AGBL3: variants seen among roughly 807,000 people sequenced by gnomAD.
AGBL3 encodes AGBL carboxypeptidase 3, also known as cytosolic carboxypeptidase 3.
A neutral mutation model predicts 94.5 loss-of-function variants in AGBL3; 68 were observed. The observed-to-expected ratio is 0.72, with a 90% CI of 0.59 to 0.88. The LOEUF (loss-of-function observed/expected upper bound fraction) is 0.88. Ranked by LOEUF, AGBL3 falls within the 40% of genes least tolerant of loss-of-function variation. AGBL3 has a pLI of 0.00. For synonymous variants in AGBL3, 354 were observed against 370.7 expected, an observed-to-expected ratio of 0.95 and a Z score of 0.52; for missense variants, 934 against 1,103.8, an observed-to-expected ratio of 0.85 and a Z score of 2.18.
intron 15 of AGBL3, among the ~76,000 whole-genome samples, chr7:135,086,494 A>G (rs187995941): frequency 6.6e-6 from 1 of 152,076 alleles, no homozygotes; most frequent in Non-Finnish European, 1.5e-5. Flanking sequence ...CATTCCTTCC[A>G]TACCTTATTT....
intron 13 of AGBL3, among the ~76,000 whole-genome samples, chr7:135,078,375 T>G (rs542061300): frequency 6.6e-6 from 1 of 152,330 alleles, no homozygotes; most frequent in South Asian, 2.1e-4. Flanking sequence ...TCTTCTAGAA[T>G]TACATTATTT....
chr7:135,121,845 G>A (rs2117248116), intron 16 of AGBL3, among the ~76,000 whole-genome samples: 1 of 152,304 alleles, frequency 6.6e-6, no homozygotes, highest in East Asian at 1.9e-4. Context: ...GGGAGGTGGT[G>A]AGTGAGTGTG....
intron 11 of AGBL3, among the ~76,000 whole-genome samples, chr7:135,049,288 G>A (rs867795476): frequency 9.9e-5 from 15 of 151,802 alleles, no homozygotes; most frequent in South Asian, 2.1e-4. Flanking sequence ...TAGTCATGGT[G>A]GGCAATCCTT....
intron 4 of AGBL3, among the ~76,000 whole-genome samples, chr7:135,001,620 A>G (rs538651278): frequency 6.6e-6 from 1 of 152,286 alleles, no homozygotes; most frequent in East Asian, 1.9e-4. Context: ...TCAGTGTCCA[A>G]CCTGCTGGGA....
chr7:135,100,097 A>G (rs1823583174), intron 15 of AGBL3: 1 of 151,686 alleles, frequency 6.6e-6, no homozygotes, highest in African/African-American at 2.4e-5. Context: ...CGTGTTAACC[A>G]GGATGGTCTC....
chr7:135,061,510 T>G (rs1277346666), intron 12 of AGBL3, among the ~76,000 whole-genome samples: 1 of 152,180 alleles, frequency 6.6e-6, no homozygotes, highest in African/African-American at 2.4e-5. Flanking sequence ...TTCAGTAGTT[T>G]TATAGTTTCA....
intron 5 of AGBL3, among the ~76,000 whole-genome samples, chr7:135,018,079 A>G (rs1057253596): frequency 1.3e-5 from 2 of 152,206 alleles, no homozygotes; most frequent in African/African-American, 4.8e-5. Flanking sequence ...ATTTAATTTA[A>G]TGAATTTTAA....
intron 1 of AGBL3, among the ~76,000 whole-genome samples, chr7:134,987,102 G>C (rs144628677): frequency 6.6e-6 from 1 of 152,242 alleles, no homozygotes; most frequent in African/African-American, 2.4e-5. Flanking sequence ...GACTGAAGGT[G>C]TCATCTATGA....
At chr7:135,041,547 A>G (rs1038842142) in intron 8 of AGBL3, among the ~76,000 whole-genome samples, 9 of 152,292 alleles carry the variant, frequency 5.9e-5, no homozygotes, top group African/African-American at 2.2e-4. Context: ...TTGAACATCC[A>G]TCTAAAAAAC....
chr7:135,087,295 CATTGATCTTTTATA>C (rs1276599905), intron 15 of AGBL3, among the ~76,000 whole-genome samples: 1 of 151,482 alleles, frequency 6.6e-6, no homozygotes, highest in Non-Finnish European at 1.5e-5. Flanking sequence ...CTTTTCATTT[CATTGATCTTTTATA>C]ATTTTTAATC....
intron 8 of AGBL3, among the ~76,000 whole-genome samples, chr7:135,042,122 T>A (rs530710661): frequency 1.3e-5 from 2 of 152,326 alleles, no homozygotes; most frequent in South Asian, 4.1e-4. Context: ...GTTTGTCAGT[T>A]TCTTGTAAAT....
At chr7:135,122,287 C>T (rs1827245850) in intron 16 of AGBL3, among the ~76,000 whole-genome samples, 1 of 152,238 alleles carries the variant, frequency 6.6e-6, no homozygotes, top group Non-Finnish European at 1.5e-5. Context: ...CAGAGTGCCT[C>T]TTCAGGCCTG....
In AGBL3 at chr7:135,135,137, C is replaced by G; in HGVS notation, c.2639C>G (p.Ala880Gly). 1 of 1,551,126 alleles carries G rather than the reference C, an allele frequency of 6.4e-7. No individual in the cohort carries two copies. The highest frequency in any genetic ancestry group is 8.7e-7 in the Non-Finnish European group (1 of 1,146,640). ...ANVLKYKSLQ[A>G]EETNQQSSKH... ...GTTCTAAAATATAAGAGTCTTCAAG[C>G]TGAAGAAACTAACCAGCAAAGCTCT... Residue 880 changes from alanine to glycine, a missense_variant, in exon 17 of 17, where the codon GCT (alanine) becomes GGT (glycine). This residue lies in a region of AGBL3 where 441 missense variants were observed against 518.2 expected (regional missense o/e 0.85). Coordinates refer to ENST00000436302, the MANE Select transcript of AGBL3 (RefSeq NM_178563.4).
intron 16 of AGBL3, among the ~76,000 whole-genome samples, chr7:135,126,302 A>G (rs542082150): frequency 6.6e-6 from 1 of 152,336 alleles, no homozygotes; most frequent in South Asian, 2.1e-4. Context: ...ATTGCTACAA[A>G]GAGAATAAAA....
rs1182262175 is a variant in AGBL3, at chr7:134,986,605, GCGAGATCC to G, written c.-149_-142del. ...TGGATACCGGGTTCTCCGCGAGATC[GCGAGATCC>G]CGAGATATTCTCCCCGCACGGAAGC... is the stretch of plus-strand genomic sequence containing the variant. On this transcript the variant is annotated 5_prime_UTR_variant, in exon 1 of 17. Coordinates refer to ENST00000436302, the MANE Select transcript of AGBL3 (RefSeq NM_178563.4). The G allele has an allele frequency of 1.0e-5, 1 of 99,700 alleles. No individual in the cohort carries two copies. The highest frequency in any genetic ancestry group is 3.4e-4 in the South Asian group (1 of 2,962). 6.2% of individuals were successfully genotyped at this position (99,700 alleles called of 1,614,324 possible).
At chr7:135,010,061 T>TGAGACTCACCAGGCTGGAGC (rs1563179701) in intron 4 of AGBL3, 17 of 434,532 alleles carry the variant, frequency 3.9e-5, no homozygotes, top group Non-Finnish European at 6.8e-5. Flanking sequence ...CATGCTGGAG[T>TGAGACTCACCAGGCTGGAGC]GAGTCTCACC....
At chr7:135,031,108 A>C (rs897631342) in intron 5 of AGBL3, among the ~76,000 whole-genome samples, 2 of 151,778 alleles carry the variant, frequency 1.3e-5, no homozygotes, top group African/African-American at 4.8e-5. Context: ...CTTCTCTGTT[A>C]ATTCCAACAT....
chr7:135,053,938 C>T (rs1818113327), intron 11 of AGBL3, among the ~76,000 whole-genome samples: 1 of 152,058 alleles, frequency 6.6e-6, no homozygotes, highest in Non-Finnish European at 1.5e-5. Context: ...AGTATAGATT[C>T]CTACTGTGTC....
intron 5 of AGBL3, among the ~76,000 whole-genome samples, chr7:135,027,752 G>T (rs1033926981): frequency 6.6e-6 from 1 of 151,550 alleles, no homozygotes; most frequent in Non-Finnish European, 1.5e-5. Flanking sequence ...AGTTAAACAA[G>T]AATATATTGT....
Sources: allele counts gnomAD v4.1 joint callset (sites outside exome capture counted in the v4.1 genomes callset), GRCh38; gene constraint gnomAD v4.1.1; regional missense constraint gnomAD v4.1.1; transcripts MANE v1.5; gene names NCBI Gene and HGNC (gene_info 2026-07-23, HGNC 2026-07-21).